CHCHD6: variants seen among roughly 807,000 people sequenced by gnomAD.
CHCHD6 encodes coiled-coil-helix-coiled-coil-helix domain containing 6.
Under a neutral mutation model 32.3 loss-of-function variants are expected in CHCHD6, and 28 were observed. The ratio of observed to expected loss-of-function variants is 0.87; its 90% CI spans 0.64 to 1.19. The LOEUF (loss-of-function observed/expected upper bound fraction) is 1.19, where lower values mean the gene tolerates loss of function less well. Ranked by LOEUF, CHCHD6 falls within the 50% of genes most tolerant of loss-of-function variation. The pLI, the probability that CHCHD6 is intolerant of heterozygous loss-of-function variation, is 0.00. For synonymous variants in CHCHD6, 122 were observed against 117.5 expected, an observed-to-expected ratio of 1.04 and a Z score of -0.25; for missense variants, 333 against 307.0, an observed-to-expected ratio of 1.08 and a Z score of -0.63.
chr3:126,741,652 G>C (rs1317979073), intron 4 of CHCHD6, among the ~76,000 whole-genome samples: 1 of 152,166 alleles, frequency 6.6e-6, no homozygotes, highest in African/African-American at 2.4e-5. Context: ...ATTTGGATCC[G>C]ATACTGAAAC....
chr3:126,883,513 G>A (rs973923480), intron 5 of CHCHD6, among the ~76,000 whole-genome samples: 1 of 152,194 alleles, frequency 6.6e-6, no homozygotes, highest in African/African-American at 2.4e-5. Context: ...AGTCTTCTGT[G>A]TCAACTGCTG....
At chr3:126,875,227 G>A (rs1291696390) in intron 5 of CHCHD6, among the ~76,000 whole-genome samples, 1 of 152,226 alleles carries the variant, frequency 6.6e-6, no homozygotes, top group Non-Finnish European at 1.5e-5. Flanking sequence ...CAGGAAGAGG[G>A]AAGAAGGGTG....
At chr3:126,804,494 C>T (rs1576437174) in intron 4 of CHCHD6, among the ~76,000 whole-genome samples, 1 of 152,106 alleles carries the variant, frequency 6.6e-6, no homozygotes, top group Admixed American at 6.5e-5. Context: ...ACACATACAC[C>T]CTCCCAAGAC....
At chr3:126,835,771 C>T (rs550606775) in intron 4 of CHCHD6, among the ~76,000 whole-genome samples, 18 of 152,272 alleles carry the variant, frequency 1.2e-4, no homozygotes, top group Admixed American at 7.2e-4. Flanking sequence ...CTGCTTTACC[C>T]GACTCTTGCT....
intron 5 of CHCHD6, among the ~76,000 whole-genome samples, chr3:126,856,099 A>G (rs1352132623): frequency 6.6e-6 from 1 of 152,206 alleles, no homozygotes; most frequent in Non-Finnish European, 1.5e-5. Flanking sequence ...AAAATACACT[A>G]ACACTAATGA....
At chr3:126,715,887 C>T (rs181979932) in intron 1 of CHCHD6, among the ~76,000 whole-genome samples, 21 of 152,342 alleles carry the variant, frequency 1.4e-4, no homozygotes, top group South Asian at 6.2e-4. Flanking sequence ...AATGAGATCA[C>T]GCTATTCCGT....
chr3:126,802,658 G>A (rs1449602035), intron 4 of CHCHD6, among the ~76,000 whole-genome samples: 1 of 152,192 alleles, frequency 6.6e-6, no homozygotes, highest in Non-Finnish European at 1.5e-5. Context: ...TTATCCAGGA[G>A]AGCTTCCCCA....
At chr3:126,938,708 G>C (rs1209400708) in intron 6 of CHCHD6, among the ~76,000 whole-genome samples, 1 of 151,956 alleles carries the variant, frequency 6.6e-6, no homozygotes, top group Non-Finnish European at 1.5e-5. Context: ...TGTGCCCTGG[G>C]TAATCACAGT....
intron 5 of CHCHD6, among the ~76,000 whole-genome samples, chr3:126,894,748 C>T (rs1303388579): frequency 6.6e-6 from 1 of 152,210 alleles, no homozygotes; most frequent in East Asian, 1.9e-4. Flanking sequence ...CTGGAGGGAT[C>T]ACAGACTGGG....
At chr3:126,704,432 G>T in intron 1 of CHCHD6, 33 bp downstream of exon 1, 1 of 1,395,200 alleles carries the variant, frequency 7.2e-7, no homozygotes. Context: ...GGGCGGGCGT[G>T]GAGGCCGCGG....
At chr3:126,889,951 C>T (rs2077733319) in intron 5 of CHCHD6, among the ~76,000 whole-genome samples, 1 of 151,282 alleles carries the variant, frequency 6.6e-6, no homozygotes, top group African/African-American at 2.4e-5. Flanking sequence ...ATCAAAGGGG[C>T]TGGACCAGCA....
intron 4 of CHCHD6, among the ~76,000 whole-genome samples, chr3:126,765,951 A>T (rs1481186485): frequency 6.6e-6 from 1 of 152,210 alleles, no homozygotes; most frequent in Non-Finnish European, 1.5e-5. Flanking sequence ...CTTCCAAAGC[A>T]TGTGAGCGTG....
chr3:126,757,413 G>C (rs2107670784), intron 4 of CHCHD6, among the ~76,000 whole-genome samples: 1 of 152,248 alleles, frequency 6.6e-6, no homozygotes, highest in South Asian at 2.1e-4. Context: ...GGTGGGGCAG[G>C]GGGGCTCAAA....
chr3:126,754,312 A>G (rs1936859425), intron 4 of CHCHD6, among the ~76,000 whole-genome samples: 1 of 152,230 alleles, frequency 6.6e-6, no homozygotes, highest in Non-Finnish European at 1.5e-5. Flanking sequence ...AAACATCTTC[A>G]GAGTGCCTAG....
At chr3:126,809,531 T>G (rs1011284890) in intron 4 of CHCHD6, among the ~76,000 whole-genome samples, 1 of 152,228 alleles carries the variant, frequency 6.6e-6, no homozygotes, top group Admixed American at 6.5e-5. Context: ...AAACTTTGCT[T>G]AACTTTAGTT....
chr3:126,760,650 C>T (rs1012294267), intron 4 of CHCHD6, among the ~76,000 whole-genome samples: 2 of 152,172 alleles, frequency 1.3e-5, no homozygotes, highest in Non-Finnish European at 2.9e-5. Context: ...AAGGTTTATC[C>T]GTGTTATAGC....
At chr3:126,954,876 T>G (rs949810582) in intron 6 of CHCHD6, among the ~76,000 whole-genome samples, 12 of 152,212 alleles carry the variant, frequency 7.9e-5, no homozygotes, top group Non-Finnish European at 4.4e-5. Context: ...AGACTGGCAG[T>G]GCCACTGAAG....
chr3:126,750,076 C>T (rs1433685316), intron 4 of CHCHD6, among the ~76,000 whole-genome samples: 2 of 152,204 alleles, frequency 1.3e-5, no homozygotes, highest in Non-Finnish European at 2.9e-5. Context: ...ACATCCAGTA[C>T]AGAACCTGTC....
chr3:126,927,222 G>A (rs2107596684), intron 6 of CHCHD6, among the ~76,000 whole-genome samples: 1 of 152,320 alleles, frequency 6.6e-6, no homozygotes, highest in East Asian at 1.9e-4. Flanking sequence ...GCGCAGGGCA[G>A]CAGGGAGGCT....
Sources: gnomAD v4.1 joint callset for allele counts (sites outside exome capture counted in the v4.1 genomes callset) on GRCh38, gnomAD v4.1.1 for gene constraint, MANE v1.5 for transcripts, NCBI Gene and HGNC (gene_info 2026-07-23, HGNC 2026-07-21) for gene names.